Variants in AXL observed in about 807,000 individuals in gnomAD.
AXL encodes tyrosine-protein kinase receptor UFO.
AXL carries 52 observed loss-of-function variants against 104.5 expected under a neutral mutation model. The observed-to-expected ratio is 0.50, with a 90% CI of 0.40 to 0.63. The LOEUF is 0.63. AXL is among the 20% of genes least tolerant of loss of function. The probability of loss-of-function intolerance (pLI) is 0.00; values close to 1 mark genes in which losing one functional copy is unlikely to be tolerated. For synonymous variants in AXL, 455 were observed against 473.7 expected, an observed-to-expected ratio of 0.96 and a Z score of 0.51; for missense variants, 1,024 against 1,188.5, an observed-to-expected ratio of 0.86 and a Z score of 2.04.
intron 12 of AXL, among the ~76,000 whole-genome samples, chr19:41,247,401 G>A (rs2034288465): frequency 6.6e-6 from 1 of 152,116 alleles, no homozygotes; most frequent in African/African-American, 2.4e-5. Flanking sequence ...TACTTGGGAG[G>A]CTGAGGCAGG....
chr19:41,252,896 A>C lies in AXL; in HGVS notation c.1855A>C (p.Ile619Leu). 1 of 1,605,300 alleles carries C rather than the reference A, an allele frequency of 6.2e-7. No homozygotes were observed. Among genetic ancestry groups the C allele is most frequent in the Non-Finnish European group, 8.5e-7 (1 of 1,176,008 alleles). The change falls in exon 16 of 20, where the codon ATC (isoleucine) becomes CTC (leucine). Residue 619 changes from isoleucine to leucine, a missense_variant. Physicochemically the swap from Ile to Leu is conservative, Grantham distance 5. Coordinates refer to ENST00000301178, the MANE Select transcript of AXL (RefSeq NM_021913.5). ...ERESFPAPVVILPFMKHGDLH... is the reference protein window; with the variant it reads ...ERESFPAPVVLLPFMKHGDLH... ...AGAGAGCTTCCCAGCACCTGTGGTC[A>C]TCTTACCTTTCATGAAACATGGAGA...
At chr19:41,237,754 C>A (rs2034105287) in intron 6 of AXL, among the ~76,000 whole-genome samples, 190 bp from the exon 7 acceptor site, 1 of 152,156 alleles carries the variant, frequency 6.6e-6, no homozygotes, top group Non-Finnish European at 1.5e-5. Context: ...GACAGAACCA[C>A]ATTGTATACA....
rs73045223 is a variant in AXL at position 41,253,569 on chromosome 19, C to T, written c.1927-30C>T. The T allele has an allele frequency of 0.1, 156,911 of 1,512,724 alleles. 8,939 individuals are homozygous for T. Among genetic ancestry groups the T allele is most frequent in the Non-Finnish European group, 0.12 (128,093 of 1,091,606 alleles). The allele number at this position is 1,512,724 out of a possible 1,614,324, so 93.7% of individuals were successfully genotyped here. A position where few individuals can be genotyped will look rare whatever the true frequency, so the allele number is the denominator to read the frequency against. ...GGGATCGCATCAAGGACTCTGTTGACCTCTCCTCCCACCTGCCTTGGCTCC... is the reference window on the plus strand; with the variant it reads ...GGGATCGCATCAAGGACTCTGTTGATCTCTCCTCCCACCTGCCTTGGCTCC... On this transcript the variant is annotated intron_variant, in intron 16 of 19. Transcript: ENST00000301178.
In AXL at chr19:41,260,666, C is replaced by G. The variant is rs915723877; in HGVS notation, c.*762C>G. The G allele has an allele frequency of 6.6e-6, 1 of 152,120 alleles. No individual in the cohort carries two copies. Among genetic ancestry groups the G allele is most frequent in the Non-Finnish European group, 1.5e-5 (1 of 68,038 alleles). 9.4% of individuals were successfully genotyped at this position (152,120 alleles called of 1,614,324 possible). A position where few individuals can be genotyped will look rare whatever the true frequency, so the allele number is the denominator to read the frequency against. On this transcript the variant is annotated 3_prime_UTR_variant, in exon 20 of 20. Coordinates refer to ENST00000301178, the MANE Select transcript of AXL (RefSeq NM_021913.5). ...TTATGTGGTTTTAGATTTTCTGGTT[C>G]TAACATTTTTGATAAAGCCTCAAGG...
chr19:41,257,370 G>A (rs904021138), intron 18 of AXL, 123 bp from the exon 19 acceptor site: 6 of 1,328,316 alleles, frequency 4.5e-6, no homozygotes, highest in Non-Finnish European at 6.3e-6. Flanking sequence ...ATGAATACTT[G>A]TGATGCTCCC....
intron 4 of AXL, among the ~76,000 whole-genome samples, chr19:41,225,545 GT>G (rs2033864427): frequency 6.6e-6 from 1 of 152,216 alleles, no homozygotes; most frequent in Non-Finnish European, 1.5e-5. Context: ...AAGTTTCTGT[GT>G]GTGTTGGCAT....
In AXL at chr19:41,243,660, G is replaced by C. The variant is rs906343180; in HGVS notation, c.1490G>C (p.Arg497Thr). The change falls in exon 12 of 20, where the codon AGG becomes ACG. Residue 497 changes from arginine (R) to threonine (T), a missense_variant. Coordinates refer to ENST00000301178, the MANE Select transcript of AXL (RefSeq NM_021913.5). Reference sequence around the variant, plus strand: ...GTGGAAAGAGGTGAACTGGTAGTCAGGTACCGCGTGCGCAAGTCCTACAGT... The same window carrying C: ...GTGGAAAGAGGTGAACTGGTAGTCACGTACCGCGTGCGCAAGTCCTACAGT... ...PTVERGELVVRYRVRKSYSRR... is the reference protein window; with the variant it reads ...PTVERGELVVTYRVRKSYSRR... 6.2e-7 allele frequency: 1 copy of C among 1,614,016 alleles called. No homozygotes were observed. Among genetic ancestry groups the C allele is most frequent in the African/African-American group, 1.3e-5 (1 of 74,902 alleles).
At position 41,238,144 on chromosome 19, in the gene AXL, G is replaced by A. The variant is rs56408665; in HGVS notation, c.984G>A (p.Thr328=). The A allele has an allele frequency of 3.2e-4, 516 of 1,613,980 alleles. 3 individuals carry two copies. The East Asian group carries it at 9.0e-3, about 28-fold the overall frequency. Reference sequence around the variant, plus strand: ...GGACCCACTGGCTTCCTGTGGAGACGCCGGAGGGAGGTAAGAAGGGTTGGG... The same window carrying A: ...GGACCCACTGGCTTCCTGTGGAGACACCGGAGGGAGGTAAGAAGGGTTGGG... ...SSWTHWLPVE[T]PEGVPLGPPE... is the part of the protein sequence containing the mutation. Residue 328 remains threonine (T), a synonymous_variant, in exon 7 of 20, where the codon ACG becomes ACA. Transcript: ENST00000301178.
At chr19:41,224,860 G>A (rs367653681) in intron 4 of AXL, among the ~76,000 whole-genome samples, 1 of 152,032 alleles carries the variant, frequency 6.6e-6, no homozygotes, top group East Asian at 1.9e-4. Flanking sequence ...ACTGGCCCCT[G>A]CTGCCTCTGA....
intron 6 of AXL, among the ~76,000 whole-genome samples, chr19:41,236,551 C>T (rs2034082714): frequency 2.0e-5 from 3 of 151,648 alleles, no homozygotes; most frequent in Non-Finnish European, 2.9e-5. Flanking sequence ...GAGGCTGAGG[C>T]GGGCGGATTG....
At position 41,257,502 on chromosome 19, in the gene AXL, G is replaced by A. The variant is rs1371273703; in HGVS notation, c.2206G>A (p.Gly736Arg). Residue 736 changes from glycine (G) to arginine (R), a missense_variant, in exon 19 of 20, where the codon GGG becomes AGG. Physicochemically the swap from Gly to Arg is moderately radical, Grantham distance 125. Around this residue, in one of 5 missense-constraint regions of AXL, gnomAD observed 523 missense variants for 636.0 expected, o/e 0.82. Coordinates refer to ENST00000301178, the MANE Select transcript of AXL (RefSeq NM_021913.5). Reference protein sequence around the residue: ...YTSKSDVWSFGVTMWEIATRG... With the variant: ...YTSKSDVWSFRVTMWEIATRG... ...CCTCTGCCCCTCACAGTGGTCCTTC[G>A]GGGTGACAATGTGGGAGATTGCCAC... 10 of 1,613,964 alleles carry A rather than the reference G, an allele frequency of 6.2e-6. No homozygotes were observed. The highest frequency in any genetic ancestry group is 1.6e-4 in the Middle Eastern group (1 of 6,082).
Position 41,237,533 on chromosome 19 carries a change from G to A in AXL, c.784-411G>A, listed in dbSNP as rs535000473. Among the ~76,000 whole-genome samples the A allele has an allele frequency of 9.2e-5, 14 of 152,230 alleles. No homozygotes were observed. The South Asian group carries it at 2.5e-3, about 27-fold the overall frequency. ...GCTGGGATTACAGGCGGGAGCCACC[G>A]TGCCCAGTCTATTTGCGTTATTATT... On this transcript the variant is annotated intron_variant, in intron 6 of 19. Transcript: ENST00000301178.
rs778560247 is a variant in AXL at position 41,248,703 on chromosome 19, G to T, written c.1634-40G>T. 1.9e-6 allele frequency: 3 copies of T among 1,612,872 alleles called. No homozygotes were observed. The Admixed American group carries it at 5.0e-5, about 27-fold the overall frequency. ...CAACTATAGGAAATACAGTCCCCAC[G>T]GGCCCTCTGAGGTCAGTGTCTCCCT... On this transcript the variant is annotated intron_variant, in intron 13 of 19. Transcript: ENST00000301178.
At chr19:41,230,913 G>A (rs1290921520) in intron 4 of AXL, 54 bp from the exon 5 acceptor site, 1 of 1,579,706 alleles carries the variant, frequency 6.3e-7, no homozygotes, top group Non-Finnish European at 8.7e-7. Context: ...CATGGCCCCG[G>A]AGCCCTTCCT....
intron 4 of AXL, among the ~76,000 whole-genome samples, chr19:41,227,792 C>T (rs977560701): frequency 4.6e-5 from 7 of 151,864 alleles, no homozygotes; most frequent in Non-Finnish European, 8.8e-5. Context: ...CCCGGCCAGG[C>T]GATTATTTAG....
At chr19:41,247,435 G>A (rs376204204) in intron 12 of AXL, among the ~76,000 whole-genome samples, 67 of 152,216 alleles carry the variant, frequency 4.4e-4, no homozygotes, top group Non-Finnish European at 9.3e-4. Context: ...CCTGAGAGGC[G>A]GAGGTTGCGG....
intron 4 of AXL, among the ~76,000 whole-genome samples, chr19:41,226,581 G>T (rs2033886094): frequency 6.6e-6 from 1 of 152,216 alleles, no homozygotes; most frequent in Non-Finnish European, 1.5e-5. Flanking sequence ...AGGAAACTTT[G>T]TGTCTGCGGA....
At chr19:41,235,369 A>AATAGATAG (rs71175697) in intron 6 of AXL, among the ~76,000 whole-genome samples, 2,024 of 80,650 alleles carry the variant, frequency 0.025, 21 homozygotes, top group Middle Eastern at 0.087. Flanking sequence ...TAAATAAATA[A>AATAGATAG]ATAGATAGAT....
intron 17 of AXL, among the ~76,000 whole-genome samples, chr19:41,254,639 C>A (rs2034425488): frequency 2.6e-5 from 4 of 151,252 alleles, no homozygotes; most frequent in African/African-American, 9.7e-5. Context: ...TTAGTCTTGG[C>A]CAGGCGCAGT....
Sources: allele counts gnomAD v4.1 joint callset (sites outside exome capture counted in the v4.1 genomes callset), GRCh38; gene constraint gnomAD v4.1.1; regional missense constraint gnomAD v4.1.1; transcripts MANE v1.5; gene names NCBI Gene and HGNC (gene_info 2026-07-23, HGNC 2026-07-21).